PSMA3: variants seen among roughly 807,000 people sequenced by gnomAD.
PSMA3 encodes proteasome 20S subunit alpha 3, also known as proteasome subunit alpha type-3.
A neutral mutation model predicts 40.0 loss-of-function variants in PSMA3; 8 were observed. That is an observed-to-expected ratio of 0.20 (90% confidence interval 0.12 to 0.36). The LOEUF is 0.36. PSMA3 is among the 10% of genes least tolerant of loss of function. The pLI is 1.00. For missense variants in PSMA3, 219 were observed against 310.6 expected (o/e 0.70, Z 2.22); for synonymous variants, 110 against 100.0 (o/e 1.10, Z -0.59).
In PSMA3 at chr14:58,257,784, G is replaced by C; in HGVS notation, c.268G>C (p.Asp90His). 6.2e-7 allele frequency: 1 copy of C among 1,613,338 alleles called. No individual in the cohort carries two copies. Among genetic ancestry groups the C allele is most frequent in the Non-Finnish European group, 8.5e-7 (1 of 1,179,444 alleles). The change falls in exon 4 of 11, where the codon GAC becomes CAC. Residue 90 changes from aspartate (D) to histidine (H), a missense_variant. Coordinates refer to ENST00000216455, the MANE Select transcript of PSMA3 (RefSeq NM_002788.4). ...GLLADARSLADIAREEASNFR... is the reference protein window; with the variant it reads ...GLLADARSLAHIAREEASNFR... ...GTTGGCAGATGCTCGTTCTTTAGCAGACATAGCAAGAGAAGAAGCTTCCAA... is the reference window on the plus strand; with the variant it reads ...GTTGGCAGATGCTCGTTCTTTAGCACACATAGCAAGAGAAGAAGCTTCCAA...
At chr14:58,265,959 AAATACTT>A (rs1890429868) in intron 7 of PSMA3, 1 of 150,088 alleles carries the variant, frequency 6.7e-6, no homozygotes, top group Non-Finnish European at 1.5e-5. Flanking sequence ...TTGGATCCCT[AAATACTT>A]TATTCTCCTT....
intron 1 of PSMA3, 114 bp from the exon 2 acceptor site, chr14:58,247,636 A>C: frequency 1.5e-6 from 1 of 648,138 alleles, no homozygotes; most frequent in Non-Finnish European, 2.7e-6. Flanking sequence ...CTTGAAAGCA[A>C]GGTCTTTGTT....
intron 2 of PSMA3, 86 bp from the exon 3 acceptor site, chr14:58,252,033 A>C: frequency 7.2e-7 from 1 of 1,388,288 alleles, no homozygotes; most frequent in Non-Finnish European, 9.8e-7. Context: ...CTTAAATGTT[A>C]CTTATTTTGT....
At position 58,271,725 on chromosome 14, in the gene PSMA3, T is replaced by C. The variant is rs12435710; in HGVS notation, c.724-126T>C. On this transcript the variant is annotated intron_variant, in intron 10 of 10. Coordinates refer to ENST00000216455, the MANE Select transcript of PSMA3 (RefSeq NM_002788.4). ...TTGCTTGGGTATCTTATTCTGAAACTGTTCATTCAGTTACAAGTAGAGGAA... is the reference window on the plus strand; with the variant it reads ...TTGCTTGGGTATCTTATTCTGAAACCGTTCATTCAGTTACAAGTAGAGGAA... 3.1e-3 allele frequency: 2,118 copies of C among 682,710 alleles called. 78 individuals carry two copies. In the Admixed American group the frequency reaches 0.052, roughly 17 times the overall value. 42.3% of individuals were successfully genotyped at this position (682,710 alleles called of 1,614,324 possible). A position where few individuals can be genotyped will look rare whatever the true frequency, so the allele number is the denominator to read the frequency against.
Position 58,254,340 on chromosome 14 carries a change from A to ATATATATATATATGTATG in PSMA3, c.228+2101_228+2102insATATATATATGTATGTAT. Among the ~76,000 whole-genome samples the ATATATATATATATGTATG allele has an allele frequency of 3.6e-3, 126 of 34,806 alleles. 17 individuals are homozygous for ATATATATATATATGTATG. The highest frequency in any genetic ancestry group is 0.018 in the East Asian group (35 of 1,892). The allele number at this position is 34,806 out of a possible 152,430, so 22.8% of individuals were successfully genotyped here. On this transcript the variant is annotated intron_variant, in intron 3 of 10. Transcript: ENST00000216455. ...TGAAAAAAATTATGCATGCATATATATATGTATGTACACACACACAGAGGT... is the reference window on the plus strand; with the variant it reads ...TGAAAAAAATTATGCATGCATATATATATATATATATATGTATGTATGTATGTACACACACACAGAGGT...
intron 10 of PSMA3, among the ~76,000 whole-genome samples, chr14:58,271,561 T>C (rs1477321852): frequency 6.6e-6 from 1 of 152,142 alleles, no homozygotes; most frequent in African/African-American, 2.4e-5. Context: ...TTCAAACTCT[T>C]GAACTCACGT....
chr14:58,259,345 C>T (rs992791144), intron 5 of PSMA3, among the ~76,000 whole-genome samples: 4 of 151,888 alleles, frequency 2.6e-5, no homozygotes, highest in East Asian at 1.9e-4. Flanking sequence ...GATGGAGTCT[C>T]GCTCTGTCGC....
intron 10 of PSMA3, 93 bp downstream of exon 10, chr14:58,271,091 AC>A (rs1033343271): frequency 5.4e-6 from 4 of 739,226 alleles, no homozygotes; most frequent in African/African-American, 3.7e-5. Context: ...GCACAGCAAG[AC>A]CCCCATCCCT....
At chr14:58,245,956 T>C (rs947131344) in intron 1 of PSMA3, among the ~76,000 whole-genome samples, 1 of 152,234 alleles carries the variant, frequency 6.6e-6, no homozygotes, top group African/African-American at 2.4e-5. Flanking sequence ...ATATTAAATC[T>C]TGTAGCAAAC....
At chr14:58,257,706 G>C (rs1424656865) in intron 3 of PSMA3, 39 bp from the exon 4 acceptor site, 1 of 1,503,882 alleles carries the variant, frequency 6.6e-7, no homozygotes, top group Admixed American at 1.7e-5. Flanking sequence ...ATTTGTGATA[G>C]GAATGTGTTC....
chr14:58,255,540 G>A (rs571077810), intron 3 of PSMA3, among the ~76,000 whole-genome samples: 30 of 152,256 alleles, frequency 2.0e-4, no homozygotes, highest in Non-Finnish European at 3.4e-4. Flanking sequence ...AGGCCAAGGC[G>A]GGCGGATCAC....
intron 5 of PSMA3, among the ~76,000 whole-genome samples, chr14:58,260,088 G>T (rs1890238579): frequency 6.6e-6 from 1 of 152,178 alleles, no homozygotes; most frequent in Non-Finnish European, 1.5e-5. Flanking sequence ...AGATGCTGCT[G>T]ATTTCTTTTC....
chr14:58,264,454 G>A (rs748350663), intron 7 of PSMA3, among the ~76,000 whole-genome samples: 8 of 152,068 alleles, frequency 5.3e-5, no homozygotes, highest in Admixed American at 2.6e-4. Context: ...TTAGCCATGC[G>A]TTGATCAACT....
chr14:58,250,048 G>A (rs569157125), intron 2 of PSMA3, among the ~76,000 whole-genome samples: 6 of 150,028 alleles, frequency 4.0e-5, no homozygotes, highest in Non-Finnish European at 7.4e-5. Context: ...GTGAAATCCC[G>A]TCTCTACTGA....
intron 6 of PSMA3, among the ~76,000 whole-genome samples, chr14:58,261,240 T>C (rs1424789914): frequency 6.6e-6 from 1 of 150,706 alleles, no homozygotes; most frequent in Non-Finnish European, 1.5e-5. Context: ...TGGAGCACAG[T>C]GGTGTGATCA....
rs1890342042 is a variant in PSMA3, at chr14:58,263,510, T to G, written c.478-195T>G. 3 of 434,718 alleles carry G rather than the reference T, an allele frequency of 6.9e-6. No homozygotes were observed. In the East Asian group the frequency reaches 1.1e-4, roughly 16 times the overall value. 26.9% of individuals were successfully genotyped at this position (434,718 alleles called of 1,614,324 possible). ...ATATACCTTTATTAAAAATACAGGT[T>G]GTTTTGGAATTGTTTGGTATTTTAG... On this transcript the variant is annotated intron_variant, in intron 6 of 10. Coordinates refer to ENST00000216455, the MANE Select transcript of PSMA3 (RefSeq NM_002788.4).
intron 3 of PSMA3, among the ~76,000 whole-genome samples, chr14:58,256,439 G>A (rs1299486392): frequency 6.9e-6 from 1 of 145,322 alleles, no homozygotes; most frequent in Admixed American, 6.8e-5. Flanking sequence ...TTTTGAGATG[G>A]AGTCTCGCTC....
chr14:58,251,596 T>TAAAC (rs1269338229), intron 2 of PSMA3, among the ~76,000 whole-genome samples: 3 of 152,250 alleles, frequency 2.0e-5, no homozygotes, highest in Non-Finnish European at 4.4e-5. Context: ...CTTTTTATTT[T>TAAAC]AAACAGTTGT....
intron 10 of PSMA3, among the ~76,000 whole-genome samples, chr14:58,271,419 T>C (rs1163590380): frequency 7.1e-6 from 1 of 141,416 alleles, no homozygotes; most frequent in Non-Finnish European, 1.5e-5. Flanking sequence ...AACCTCTGCC[T>C]CCAGGGTTCA....
Sources: gnomAD v4.1 joint callset for allele counts (sites outside exome capture counted in the v4.1 genomes callset) on GRCh38, gnomAD v4.1.1 for gene constraint, MANE v1.5 for transcripts, NCBI Gene and HGNC (gene_info 2026-07-23, HGNC 2026-07-21) for gene names.